The following GYS1 variants were observed in gnomAD, a reference collection of about 807,000 sequenced individuals.
GYS1 encodes the protein glycogen [starch] synthase, muscle.
A neutral mutation model predicts 89.1 loss-of-function variants in GYS1; 60 were observed. The observed-to-expected ratio is 0.67, with a 90% confidence interval of 0.55 to 0.84. The LOEUF (loss-of-function observed/expected upper bound fraction) is 0.84, where lower values mean the gene tolerates loss of function less well. Ranked by LOEUF, GYS1 falls within the 40% of genes least tolerant of loss-of-function variation. The pLI is 0.00. For missense variants in GYS1, 888 were observed against 1,003.1 expected (o/e 0.89, Z 1.55); for synonymous variants, 366 against 401.7 (o/e 0.91, Z 1.06).
At chr19:48,984,964 C>A (rs575303078) in intron 5 of GYS1, among the ~76,000 whole-genome samples, 59 of 152,278 alleles carry the variant, frequency 3.9e-4, no homozygotes, top group African/African-American at 1.4e-3. Context: ...ATAAAGTGTT[C>A]TGGGCACATT....
In GYS1 at chr19:48,991,632, A is replaced by AG; in HGVS notation, c.119-150dup. 2 of 794,298 alleles carry AG rather than the reference A, an allele frequency of 2.5e-6. No homozygotes were observed. The highest frequency in any genetic ancestry group is 4.1e-6 in the Non-Finnish European group (2 of 491,474). 49.2% of individuals were successfully genotyped at this position (794,298 alleles called of 1,614,324 possible). ...GGACTGGGAGCCCATAGTTTGGAGTAGGGGTTGGAAGCTTGGATGAGGGGA... is the reference window on the plus strand; with the variant it reads ...GGACTGGGAGCCCATAGTTTGGAGTAGGGGGTTGGAAGCTTGGATGAGGGGA... On this transcript the variant is annotated intron_variant, in intron 1 of 15. Coordinates refer to ENST00000323798, the MANE Select transcript of GYS1 (RefSeq NM_002103.5). This position sits in a 1 kb window ranked among gnomAD's most constrained non-coding sequence, Gnocchi z 4.7.
At chr19:48,973,223 T>C (rs986909181) in intron 12 of GYS1, among the ~76,000 whole-genome samples, 4 of 152,164 alleles carry the variant, frequency 2.6e-5, no homozygotes, top group African/African-American at 9.7e-5. Context: ...AGAAGAAGCT[T>C]CTTTCTTCCC....
intron 12 of GYS1, among the ~76,000 whole-genome samples, 183 bp downstream of exon 12, chr19:48,974,030 T>C (rs577060515): frequency 6.6e-6 from 1 of 152,326 alleles, no homozygotes; most frequent in Non-Finnish European, 1.5e-5. Flanking sequence ...CCCAGTCTTC[T>C]AGTTTCTCAA....
At position 48,985,410 on chromosome 19, in the gene GYS1, T is replaced by C. The variant is rs778051336; in HGVS notation, c.823+51A>G. On this transcript the variant is annotated intron_variant, in intron 5 of 15. Coordinates refer to ENST00000323798, the MANE Select transcript of GYS1 (RefSeq NM_002103.5). ...GGCTGAGGAGCAACTGGCTTTGGCA[T>C]AGACAGCTGCCTACCTCATTCACGT... The C allele has an allele frequency of 5.6e-6, 9 of 1,593,118 alleles. No homozygotes were observed. In the African/African-American group the frequency reaches 6.7e-5, roughly 12 times the overall value.
intron 10 of GYS1, 92 bp downstream of exon 10, chr19:48,977,832 C>T (rs1337917077): frequency 2.2e-5 from 20 of 929,804 alleles, no homozygotes; most frequent in Non-Finnish European, 3.6e-5. Context: ...AAGCAGGACT[C>T]CCAGCAATCT....
intron 14 of GYS1, chr19:48,970,260 G>A (rs2122457895): frequency 2.1e-6 from 1 of 474,532 alleles, no homozygotes; most frequent in East Asian, 4.2e-5. Context: ...CAGTAGCTGG[G>A]ACTACAGGCA....
chr19:48,977,875 TGGGGCTGCCA>T, intron 10 of GYS1, 39 bp downstream of exon 10: 6 of 1,446,966 alleles, frequency 4.1e-6, no homozygotes, highest in Non-Finnish European at 4.9e-6. Context: ...AAGCTGCCTC[TGGGGCTGCCA>T]GGAACTGCTA....
chr19:48,968,565 C>A lies in GYS1; in HGVS notation c.*723G>T. 1 of 454,444 alleles carries A rather than the reference C, an allele frequency of 2.2e-6. No homozygotes were observed. Among genetic ancestry groups the A allele is most frequent in the Non-Finnish European group, 4.4e-6 (1 of 226,774 alleles). The allele number at this position is 454,444 out of a possible 1,614,324, so 28.2% of individuals were successfully genotyped here. On this transcript the variant is annotated 3_prime_UTR_variant, in exon 16 of 16. Transcript: ENST00000323798. ...GAGTAGGATCTGGTCCAGAAAGGGCCAGAAAGACAGGAAGGCATCTGGACT... is the reference window on the plus strand; with the variant it reads ...GAGTAGGATCTGGTCCAGAAAGGGCAAGAAAGACAGGAAGGCATCTGGACT...
At chr19:48,988,646 G>A (rs908544534) in intron 2 of GYS1, among the ~76,000 whole-genome samples, 1 of 152,126 alleles carries the variant, frequency 6.6e-6, no homozygotes, top group Non-Finnish European at 1.5e-5. Context: ...ACGGGGTCTT[G>A]CTCTGTCCTC....
Position 48,974,704 on chromosome 19 carries a change from G to A in GYS1, c.1338C>T (p.His446=), listed in dbSNP as rs139974904. 4.3e-4 allele frequency: 689 copies of A among 1,613,696 alleles called. No homozygotes were observed. Among genetic ancestry groups the A allele is most frequent in the Non-Finnish European group, 5.4e-4 (638 of 1,179,814 alleles). ...QRQSFPPVCT[H]NMLDDSSDPI... is the part of the protein sequence containing the mutation. Reference sequence around the variant, plus strand: ...GGTCTGAGGAGTCATCCAGCATATTGTGGGTGCACACAGGGGGGAAAGACT... The same window carrying A: ...GGTCTGAGGAGTCATCCAGCATATTATGGGTGCACACAGGGGGGAAAGACT... Residue 446 remains histidine (H), a synonymous_variant, in exon 11 of 16, where the codon CAC becomes CAT. Coordinates refer to ENST00000323798, the MANE Select transcript of GYS1 (RefSeq NM_002103.5).
chr19:48,985,889 CAGGT>C lies in GYS1; in HGVS notation c.635_638del (p.Tyr212CysfsTer65). 1.2e-6 allele frequency: 2 copies of C among 1,614,022 alleles called. No individual in the cohort carries two copies. Among genetic ancestry groups the C allele is most frequent in the Non-Finnish European group, 1.7e-6 (2 of 1,180,050 alleles). On this transcript the variant is annotated frameshift_variant, in exon 4 of 16. Coordinates refer to ENST00000323798, the MANE Select transcript of GYS1 (RefSeq NM_002103.5). LOFTEE classifies it high-confidence loss of function. ...TGTAGAAGTCCACGGCACCGGCACACAGGTAGCGCCCCAGCAGCGTGGCATGGGT... is the reference window on the plus strand; with the variant it reads ...TGTAGAAGTCCACGGCACCGGCACACAGCGCCCCAGCAGCGTGGCATGGGT...
At position 48,973,309 on chromosome 19, in the gene GYS1, T is replaced by A. The variant is rs1015778301; in HGVS notation, c.1549+904A>T. Among the ~76,000 whole-genome samples, 7 of 142,566 alleles carry A rather than the reference T, an allele frequency of 4.9e-5. No individual in the cohort carries two copies. The East Asian group carries it at 1.0e-3, about 21-fold the overall frequency. 93.5% of individuals were successfully genotyped at this position (142,566 alleles called of 152,430 possible). A position where few individuals can be genotyped will look rare whatever the true frequency, so the allele number is the denominator to read the frequency against. The stretch of plus-strand genomic sequence containing the variant: ...GAGTCAATTACACCTCTTTCCGTTA[T>A]AAATTACCCAGTCTTGGATTTTTTT... On this transcript the variant is annotated intron_variant, in intron 12 of 15. Coordinates refer to ENST00000323798, the MANE Select transcript of GYS1 (RefSeq NM_002103.5).
chr19:48,980,878 G>A (rs2038749775), intron 8 of GYS1, among the ~76,000 whole-genome samples: 1 of 151,778 alleles, frequency 6.6e-6, no homozygotes. Context: ...ACTTTGGGAG[G>A]CTGAGGCAGG....
At position 48,968,751 on chromosome 19, in the gene GYS1, A is replaced by T. The variant is rs894409967; in HGVS notation, c.*537T>A. Reference sequence around the variant, plus strand: ...GCTAGAACATCCCTCCCAGAGCCCCACTTCTGGAGTTGAAATGGAGGACCA... The same window carrying T: ...GCTAGAACATCCCTCCCAGAGCCCCTCTTCTGGAGTTGAAATGGAGGACCA... On this transcript the variant is annotated 3_prime_UTR_variant, in exon 16 of 16. Coordinates refer to ENST00000323798, the MANE Select transcript of GYS1 (RefSeq NM_002103.5). The T allele has an allele frequency of 6.6e-6, 3 of 453,998 alleles. No individual in the cohort carries two copies. The highest frequency in any genetic ancestry group is 1.3e-5 in the Non-Finnish European group (3 of 226,810). The allele number at this position is 453,998 out of a possible 1,614,324, so 28.1% of individuals were successfully genotyped here. A position where few individuals can be genotyped will look rare whatever the true frequency, so the allele number is the denominator to read the frequency against.
At chr19:48,976,729 A>G (rs1462930559) in intron 10 of GYS1, among the ~76,000 whole-genome samples, 1 of 152,040 alleles carries the variant, frequency 6.6e-6, no homozygotes, top group Non-Finnish European at 1.5e-5. Context: ...TAATTCTTTT[A>G]TGGCTGTCTT....
At chr19:48,979,286 C>T (rs905683330) in intron 8 of GYS1, among the ~76,000 whole-genome samples, 1 of 150,370 alleles carries the variant, frequency 6.7e-6, no homozygotes, top group Non-Finnish European at 1.5e-5. Flanking sequence ...CCTCCCATAG[C>T]TCTGGCCTCA....
At chr19:48,984,738 A>G (rs2038815373) in intron 5 of GYS1, among the ~76,000 whole-genome samples, 1 of 151,848 alleles carries the variant, frequency 6.6e-6, no homozygotes, top group Non-Finnish European at 1.5e-5. Flanking sequence ...AAAATTAGCC[A>G]GGCGTGGTGG....
At chr19:48,992,945 C>T in intron 1 of GYS1, 50 bp downstream of exon 1, 1 of 1,059,908 alleles carries the variant, frequency 9.4e-7, no homozygotes, top group Non-Finnish European at 1.5e-6. Context: ...TCCGGGCCCC[C>T]ATCCACTACT....
In GYS1 at chr19:48,993,068, CAGT is replaced by C; in HGVS notation, c.42_44del (p.Leu15del). 1 of 1,613,102 alleles carries C rather than the reference CAGT, an allele frequency of 6.2e-7. No homozygotes were observed. The highest frequency in any genetic ancestry group is 1.3e-5 in the African/African-American group (1 of 75,026). The stretch of plus-strand genomic sequence containing the variant: ...GGTCGAATTCATCCTCCCAGTCCTC[CAGT>C]CCTGGCAGTGAGGACATGGACAAAG... On this transcript the variant is annotated inframe_deletion, in exon 1 of 16. Transcript: ENST00000323798.
Sources: gnomAD v4.1 joint callset for allele counts (sites outside exome capture counted in the v4.1 genomes callset) on GRCh38, gnomAD v4.1.1 for gene constraint, Gnocchi (gnomAD v3.1) non-coding constraint, MANE v1.5 for transcripts, NCBI Gene and HGNC (gene_info 2026-07-23, HGNC 2026-07-21) for gene names.